SBSPON: variants seen among roughly 807,000 people sequenced by gnomAD.
The protein encoded by SBSPON is somatomedin B and thrombospondin type 1 domain containing, also known as somatomedin-B and thrombospondin type-1 domain-containing protein.
A neutral mutation model predicts 35.8 loss-of-function variants in SBSPON; 30 were observed. That is an observed-to-expected ratio of 0.84 (90% CI 0.63 to 1.14). The LOEUF (loss-of-function observed/expected upper bound fraction) is 1.14, where lower values mean the gene tolerates loss of function less well. Among genes scored for constraint, SBSPON ranks in the 50% most tolerant of loss-of-function variants. The probability of loss-of-function intolerance (pLI) is 0.00; values close to 1 mark genes in which losing one functional copy is unlikely to be tolerated. For missense variants in SBSPON, 364 were observed against 357.7 expected (o/e 1.02, Z -0.14); for synonymous variants, 136 against 135.9 (o/e 1.00, Z 0.00).
intron 1 of SBSPON, among the ~76,000 whole-genome samples, chr8:73,087,994 C>A (rs1810866533): frequency 6.6e-6 from 1 of 152,196 alleles, no homozygotes. Context: ...TGGTAAGGCA[C>A]AGCCAGTGGA....
At position 73,079,708 on chromosome 8, in the gene SBSPON, T is replaced by G. The variant is rs1364740414; in HGVS notation, c.409+1311A>C. On this transcript the variant is annotated intron_variant, in intron 2 of 4. Transcript: ENST00000297354. ...ACACCCGCTGAGAGCTCCCTGCACCTCTCACTCGTTTGCTACCAGCTGCAC... is the reference window on the plus strand; with the variant it reads ...ACACCCGCTGAGAGCTCCCTGCACCGCTCACTCGTTTGCTACCAGCTGCAC... Among the ~76,000 whole-genome samples the G allele has an allele frequency of 2.6e-5, 4 of 152,128 alleles. No homozygotes were observed. The East Asian group carries it at 7.8e-4, about 29-fold the overall frequency.
intron 2 of SBSPON, 72 bp from the exon 3 acceptor site, chr8:73,071,942 T>C: frequency 1.1e-6 from 1 of 928,174 alleles, no homozygotes; most frequent in South Asian, 1.4e-5. Context: ...ATTTTGGTTT[T>C]GTACCTGTCT....
chr8:73,079,823 T>G (rs1188298021), intron 2 of SBSPON, among the ~76,000 whole-genome samples: 1 of 152,120 alleles, frequency 6.6e-6, no homozygotes, highest in Non-Finnish European at 1.5e-5. Context: ...GACAGCAGGC[T>G]CCACATCAAC....
intron 3 of SBSPON, among the ~76,000 whole-genome samples, chr8:73,070,701 G>T (rs1269999805): frequency 6.6e-6 from 1 of 152,170 alleles, no homozygotes; most frequent in Non-Finnish European, 1.5e-5. Context: ...CCAGACATGA[G>T]GAATATTTTA....
rs1414852085 is a variant in SBSPON, at chr8:73,092,947, A to C, written c.121T>G (p.Trp41Gly). 6.2e-7 allele frequency: 1 copy of C among 1,604,906 alleles called. No individual in the cohort carries two copies. Among genetic ancestry groups the C allele is most frequent in the Non-Finnish European group, 8.5e-7 (1 of 1,177,270 alleles). ...GRDPACFARG[W>G]RLDRVYGTCF... ...GTCCCGTAGACCCTGTCCAGCCTCC[A>C]GCCGCGGGCGAAGCAGGCGGGGTCC... is the stretch of plus-strand genomic sequence containing the variant. Residue 41 changes from tryptophan (W) to glycine (G), a missense_variant, in exon 1 of 5, where the codon TGG becomes GGG. Coordinates refer to ENST00000297354, the MANE Select transcript of SBSPON (RefSeq NM_153225.4).
At chr8:73,083,229 T>C (rs1810751435) in intron 1 of SBSPON, among the ~76,000 whole-genome samples, 1 of 152,216 alleles carries the variant, frequency 6.6e-6, no homozygotes, top group Non-Finnish European at 1.5e-5. Context: ...AGCAAAACAC[T>C]ATATCCTGTT....
At chr8:73,089,524 CCAG>C (rs1426443866) in intron 1 of SBSPON, among the ~76,000 whole-genome samples, 1 of 150,362 alleles carries the variant, frequency 6.7e-6, no homozygotes, top group Non-Finnish European at 1.5e-5. Context: ...CCAGTGTACT[CCAG>C]CCTGGGTGAT....
At chr8:73,074,871 C>T (rs1323052973) in intron 2 of SBSPON, among the ~76,000 whole-genome samples, 4 of 152,210 alleles carry the variant, frequency 2.6e-5, no homozygotes, top group Non-Finnish European at 4.4e-5. Context: ...AGTAATTTCA[C>T]ATCATGTGTT....
rs527594385 is a variant in SBSPON, at chr8:73,067,174, C to A, written c.*167G>T. 14 of 517,150 alleles carry A rather than the reference C, an allele frequency of 2.7e-5. No homozygotes were observed. The highest frequency in any genetic ancestry group is 1.7e-4 in the African/African-American group (9 of 52,440). The allele number at this position is 517,150 out of a possible 1,614,324, so 32.0% of individuals were successfully genotyped here. On this transcript the variant is annotated 3_prime_UTR_variant, in exon 5 of 5. Coordinates refer to ENST00000297354, the MANE Select transcript of SBSPON (RefSeq NM_153225.4). The stretch of plus-strand genomic sequence containing the variant: ...ACTTAGTTAAAATAAAAATAAAGGA[C>A]CTGTGTTCCTTGAGAACTGGCCCCT...
intron 1 of SBSPON, among the ~76,000 whole-genome samples, chr8:73,090,451 G>A (rs1489693410): frequency 6.6e-5 from 10 of 152,240 alleles, no homozygotes; most frequent in Non-Finnish European, 1.3e-4. Context: ...GGAGGCAGGC[G>A]GTGACCGCCC....
rs928177171 is a variant in SBSPON, at chr8:73,093,153, C to G, written c.-86G>C. 4 of 672,398 alleles carry G rather than the reference C, an allele frequency of 5.9e-6. No homozygotes were observed. The highest frequency in any genetic ancestry group is 4.7e-5 in the East Asian group (1 of 21,432). The allele number at this position is 672,398 out of a possible 1,614,324, so 41.7% of individuals were successfully genotyped here. A position where few individuals can be genotyped will look rare whatever the true frequency, so the allele number is the denominator to read the frequency against. ...CGGCTGGCCGCGGCCCGGGAGCTGC[C>G]CGAGCGGCCGGCGAGGCACAGCCGG... On this transcript the variant is annotated 5_prime_UTR_variant, in exon 1 of 5. Coordinates refer to ENST00000297354, the MANE Select transcript of SBSPON (RefSeq NM_153225.4).
rs567402623 is a variant in SBSPON, at chr8:73,090,501, C to T, written c.214+2353G>A. ...AGTCGGCATGGTTGTGGCATGGGTC[C>T]AGGGCTGAGCAGGCTGGGCCTCTCG... On this transcript the variant is annotated intron_variant, in intron 1 of 4. Coordinates refer to ENST00000297354, the MANE Select transcript of SBSPON (RefSeq NM_153225.4). Among the ~76,000 whole-genome samples the T allele has an allele frequency of 3.2e-4, 48 of 152,320 alleles. 1 individual carries two copies. Among genetic ancestry groups the T allele is most frequent in the African/African-American group, 1.1e-3 (47 of 41,572 alleles).
intron 2 of SBSPON, among the ~76,000 whole-genome samples, 166 bp from the exon 3 acceptor site, chr8:73,072,036 G>T (rs2129993165): frequency 6.6e-6 from 1 of 152,212 alleles, no homozygotes; most frequent in East Asian, 1.9e-4. Context: ...CAATAAAGAT[G>T]TGTGTGCACA....
intron 1 of SBSPON, 45 bp downstream of exon 1, chr8:73,092,808 GT>G: frequency 6.7e-7 from 1 of 1,498,944 alleles, no homozygotes; most frequent in Non-Finnish European, 9.2e-7. Context: ...GTGCCCGTTG[GT>G]TGCAGGCTAA....
chr8:73,068,230 A>C (rs916911202), intron 4 of SBSPON, among the ~76,000 whole-genome samples: 1 of 152,256 alleles, frequency 6.6e-6, no homozygotes, highest in Non-Finnish European at 1.5e-5. Flanking sequence ...ATTTAAAACC[A>C]AAACATGGAT....
rs563311875 is a variant in SBSPON at position 73,084,478 on chromosome 8, C to G, written c.215-3265G>C. 1.4e-3 allele frequency among the ~76,000 whole-genome samples: 207 copies of G among 152,284 alleles called. 1 individual carries two copies. Among genetic ancestry groups the G allele is most frequent in the African/African-American group, 4.7e-3 (196 of 41,562 alleles). ...CTACAAGGTTCTGTTCCTGTGTGAC[C>G]TGGCATCTGCCTGACCTTCCACTTC... is the stretch of plus-strand genomic sequence containing the variant. On this transcript the variant is annotated intron_variant, in intron 1 of 4. Coordinates refer to ENST00000297354, the MANE Select transcript of SBSPON (RefSeq NM_153225.4).
Position 73,092,958 on chromosome 8 carries a change from AAGCAGGCGGGGTCCCGGCCGGGAC to A in SBSPON, c.86_109del (p.Cys29_Cys36del). ...CCTGTCCAGCCTCCAGCCGCGGGCGAAGCAGGCGGGGTCCCGGCCGGGACAGCAGCGCCCGGCCTCGGCGCAGCC... is the reference window on the plus strand; with the variant it reads ...CCTGTCCAGCCTCCAGCCGCGGGCGAAGCAGCGCCCGGCCTCGGCGCAGCC... On this transcript the variant is annotated inframe_deletion, in exon 1 of 5. Transcript: ENST00000297354. The A allele has an allele frequency of 6.2e-7, 1 of 1,602,230 alleles. No homozygotes were observed. Among genetic ancestry groups the A allele is most frequent in the Non-Finnish European group, 8.5e-7 (1 of 1,176,086 alleles).
At chr8:73,088,651 C>G (rs1310741862) in intron 1 of SBSPON, among the ~76,000 whole-genome samples, 1 of 151,778 alleles carries the variant, frequency 6.6e-6, no homozygotes, top group African/African-American at 2.4e-5. Flanking sequence ...CCACTGCACT[C>G]CAGCCTAGGC....
intron 1 of SBSPON, among the ~76,000 whole-genome samples, chr8:73,089,406 A>C (rs879805421): frequency 8.5e-5 from 13 of 152,138 alleles, no homozygotes; most frequent in Non-Finnish European, 1.6e-4. Flanking sequence ...TTACAAAAAA[A>C]TTAGCCGGGC....
Sources: allele counts gnomAD v4.1 joint callset (sites outside exome capture counted in the v4.1 genomes callset), GRCh38; gene constraint gnomAD v4.1.1; transcripts MANE v1.5; gene names NCBI Gene and HGNC (gene_info 2026-07-23, HGNC 2026-07-21).